Variants in ABAT observed in about 807,000 individuals in gnomAD.
ABAT encodes the protein 4-aminobutyrate aminotransferase, mitochondrial.
Under a neutral mutation model 64.6 loss-of-function variants are expected in ABAT, and 45 were observed. The ratio of observed to expected loss-of-function variants is 0.70; its 90% CI spans 0.55 to 0.89. The LOEUF (loss-of-function observed/expected upper bound fraction) is 0.89. Ranked by LOEUF, ABAT falls within the 40% of genes least tolerant of loss-of-function variation. ABAT has a pLI of 0.00. For missense variants in ABAT, 633 were observed against 658.4 expected, an observed-to-expected ratio of 0.96 and a Z score of 0.42; for synonymous variants, 297 against 250.5, an observed-to-expected ratio of 1.19 and a Z score of -1.75.
At chr16:8,742,323 G>A (rs145389702) in intron 2 of ABAT, among the ~76,000 whole-genome samples, 1 of 152,190 alleles carries the variant, frequency 6.6e-6, no homozygotes, top group Admixed American at 6.5e-5. Context: ...CGGTTCCCAA[G>A]AAATCTGATT....
chr16:8,757,185 A>T (rs930012818), intron 5 of ABAT: 1 of 452,542 alleles, frequency 2.2e-6, no homozygotes, highest in African/African-American at 2.0e-5. Context: ...TTATTTATTT[A>T]TTTAAATAGA....
chr16:8,759,469 C>T (rs2059736942), intron 6 of ABAT, among the ~76,000 whole-genome samples: 1 of 151,652 alleles, frequency 6.6e-6, no homozygotes, highest in Non-Finnish European at 1.5e-5. Context: ...TTAAGTAGAC[C>T]CCTCCCCTTA....
intron 1 of ABAT, among the ~76,000 whole-genome samples, chr16:8,735,315 G>A (rs563585632): frequency 5.9e-4 from 89 of 152,060 alleles, no homozygotes; most frequent in Non-Finnish European, 1.1e-3. Flanking sequence ...GCAGTGGCGC[G>A]ATTATGGCTC....
chr16:8,777,344 C>G (rs960549710), intron 14 of ABAT, among the ~76,000 whole-genome samples: 3 of 152,138 alleles, frequency 2.0e-5, no homozygotes, highest in Non-Finnish European at 4.4e-5. Context: ...GCACTGCCCT[C>G]CCCTGCTGGA....
At chr16:8,712,005 C>T (rs1416979123) in intron 1 of ABAT, among the ~76,000 whole-genome samples, 1 of 150,446 alleles carries the variant, frequency 6.6e-6, no homozygotes, top group Non-Finnish European at 1.5e-5. Context: ...TTTGGGAGGT[C>T]GGGGGGGAGG....
chr16:8,757,903 A>G, intron 6 of ABAT, 97 bp downstream of exon 6: 1 of 1,345,332 alleles, frequency 7.4e-7, no homozygotes, highest in Non-Finnish European at 1.1e-6. Flanking sequence ...TCATTCATTC[A>G]TTCATTCCAT....
intron 2 of ABAT, among the ~76,000 whole-genome samples, chr16:8,737,934 AG>A (rs2059002188): frequency 1.2e-5 from 1 of 84,148 alleles, no homozygotes; most frequent in Non-Finnish European, 2.4e-5. Flanking sequence ...AAAAAAAAAA[AG>A]AAAGGAAAGG....
intron 1 of ABAT, chr16:8,705,563 G>A (rs1398076632): frequency 6.6e-6 from 1 of 152,124 alleles, no homozygotes; most frequent in Non-Finnish European, 1.5e-5. Context: ...TCTTTATGTT[G>A]TTTTCCAAAA....
intron 15 of ABAT, chr16:8,780,675 G>A (rs2060406770): frequency 6.1e-6 from 1 of 162,774 alleles, no homozygotes; most frequent in Non-Finnish European, 1.3e-5. Context: ...GCAGGAGAAT[G>A]GCTTGAACCT....
chr16:8,683,156 G>A (rs538362648), intron 1 of ABAT: 1 of 152,338 alleles, frequency 6.6e-6, no homozygotes, highest in East Asian at 1.9e-4. Flanking sequence ...GAGGAGCAGT[G>A]CCTTGCCCAA....
chr16:8,697,263 G>A (rs895969975), intron 1 of ABAT, among the ~76,000 whole-genome samples: 4 of 152,164 alleles, frequency 2.6e-5, no homozygotes. Context: ...AGGACTTGAG[G>A]TCATCATTAG....
At chr16:8,687,025 G>C (rs950427105) in intron 1 of ABAT, among the ~76,000 whole-genome samples, 1 of 152,178 alleles carries the variant, frequency 6.6e-6, no homozygotes, top group Non-Finnish European at 1.5e-5. Flanking sequence ...GCATGCTGAA[G>C]CTTGCTGAAC....
rs910806226 is a variant in ABAT at position 8,735,896 on chromosome 16, G to T, written c.70+87G>T. 16 of 1,202,244 alleles carry T rather than the reference G, an allele frequency of 1.3e-5. No homozygotes were observed. In the African/African-American group the frequency reaches 2.0e-4, roughly 15 times the overall value. The allele number at this position is 1,202,244 out of a possible 1,614,324, so 74.5% of individuals were successfully genotyped here. A position where few individuals can be genotyped will look rare whatever the true frequency, so the allele number is the denominator to read the frequency against. ...TTCCTGGGCTGGAAGAGCCCTTGGG[G>T]ATAAAGGGACCAGCCAGTGAGTGTT... On this transcript the variant is annotated intron_variant, in intron 2 of 15. Transcript: ENST00000268251.
At chr16:8,723,125 C>T (rs1253202014) in intron 1 of ABAT, among the ~76,000 whole-genome samples, 1 of 152,070 alleles carries the variant, frequency 6.6e-6, no homozygotes, top group Non-Finnish European at 1.5e-5. Context: ...CCCAGCTGCT[C>T]AGGAAGCTGA....
intron 1 of ABAT, among the ~76,000 whole-genome samples, chr16:8,728,606 T>G (rs1188838645): frequency 6.6e-6 from 1 of 152,198 alleles, no homozygotes; most frequent in Non-Finnish European, 1.5e-5. Flanking sequence ...CCATGCACAG[T>G]GGCTCACACC....
chr16:8,773,103 T>TACACACACACACACACAC (rs1354262302), intron 12 of ABAT, among the ~76,000 whole-genome samples, 186 bp downstream of exon 12: 1 of 51,420 alleles, frequency 1.9e-5, no homozygotes, highest in African/African-American at 6.5e-5. Context: ...TCCCTAAAAC[T>TACACACACACACACACAC]ATACACACAC....
intron 6 of ABAT, among the ~76,000 whole-genome samples, chr16:8,761,530 G>A (rs1265878700): frequency 1.3e-5 from 2 of 152,202 alleles, no homozygotes; most frequent in African/African-American, 4.8e-5. Context: ...TTTGGTGCTG[G>A]GATTTGATGG....
intron 1 of ABAT, among the ~76,000 whole-genome samples, chr16:8,697,507 G>A (rs1340560659): frequency 4.6e-5 from 7 of 152,114 alleles, no homozygotes; most frequent in South Asian, 2.1e-4. Context: ...GGAAATGCCC[G>A]GAACAGTCCA....
At chr16:8,753,296 C>T (rs1025782563) in intron 5 of ABAT, among the ~76,000 whole-genome samples, 6 of 152,002 alleles carry the variant, frequency 3.9e-5, no homozygotes, top group Non-Finnish European at 8.8e-5. Context: ...GGGGTTTCAC[C>T]GTGTTAGCCA....
Sources: gnomAD v4.1 joint callset for allele counts (sites outside exome capture counted in the v4.1 genomes callset) on GRCh38, gnomAD v4.1.1 for gene constraint, MANE v1.5 for transcripts, NCBI Gene and HGNC (gene_info 2026-07-23, HGNC 2026-07-21) for gene names.